The following NRXN3 variants were observed in gnomAD, a reference collection of about 807,000 sequenced individuals.
NRXN3 encodes neurexin 3, also known as neurexin III.
NRXN3 carries 32 observed loss-of-function variants against 137.6 expected under a neutral mutation model. That is an observed-to-expected ratio of 0.23 (90% CI 0.18 to 0.31). NRXN3 has a LOEUF of 0.31. Among genes scored for constraint, NRXN3 ranks in the 10% least tolerant of loss-of-function variants. The pLI is 1.00. For synonymous variants in NRXN3, 798 were observed against 784.5 expected, an observed-to-expected ratio of 1.02 and a Z score of -0.29; for missense variants, 1,574 against 2,062.5, an observed-to-expected ratio of 0.76 and a Z score of 4.59.
chr14:79,488,861 A>C lies in NRXN3; in HGVS notation c.3444+21459A>C, dbSNP rs141694571. ...CTTTGGGGGATCCCAAAATAAGTCA[A>C]CAAGGCATCTTTTCAATGTTGTCTT... On this transcript the variant is annotated intron_variant, in intron 16 of 20. Coordinates refer to ENST00000335750, the MANE Select transcript of NRXN3 (RefSeq NM_001330195.2). Among the ~76,000 whole-genome samples the C allele has an allele frequency of 1.0e-3, 157 of 152,326 alleles. 1 individual carries two copies. In the Middle Eastern group the frequency reaches 0.017, roughly 17 times the overall value.
rs151313031 is a variant in NRXN3 at position 79,135,853 on chromosome 14, A to G, written c.3262+147712A>G. ...TTCAGAGAAGGCATGTCAGTTTTCTAAGATCACACAGCTCATTGTTGACTG... is the reference window on the plus strand; with the variant it reads ...TTCAGAGAAGGCATGTCAGTTTTCTGAGATCACACAGCTCATTGTTGACTG... On this transcript the variant is annotated intron_variant, in intron 15 of 20. Transcript: ENST00000335750. 3.5e-3 allele frequency among the ~76,000 whole-genome samples: 540 copies of G among 152,342 alleles called. 2 individuals are homozygous for G. Among genetic ancestry groups the G allele is most frequent in the African/African-American group, 0.012 (507 of 41,576 alleles).
At chr14:79,530,986 T>A (rs2097164946) in intron 16 of NRXN3, among the ~76,000 whole-genome samples, 1 of 152,210 alleles carries the variant, frequency 6.6e-6, no homozygotes, top group Non-Finnish European at 1.5e-5. Context: ...ATGTTTTTGA[T>A]CTCAGAGCCC....
intron 4 of NRXN3, among the ~76,000 whole-genome samples, chr14:78,389,171 T>C (rs2090419374): frequency 6.6e-6 from 1 of 151,874 alleles, no homozygotes; most frequent in Non-Finnish European, 1.5e-5. Context: ...TTCTCTTGCC[T>C]CAGCCTCCCG....
At chr14:79,743,478 A>C (rs534808209) in intron 19 of NRXN3, among the ~76,000 whole-genome samples, 20 of 152,222 alleles carry the variant, frequency 1.3e-4, no homozygotes, top group Non-Finnish European at 2.4e-4. Context: ...ACCATTCCTT[A>C]CACACAAACT....
At chr14:78,686,150 G>A (rs2098124141) in intron 6 of NRXN3, among the ~76,000 whole-genome samples, 1 of 152,082 alleles carries the variant, frequency 6.6e-6, no homozygotes, top group Non-Finnish European at 1.5e-5. Flanking sequence ...ATCTACTTTG[G>A]AACAGTTCCT....
intron 20 of NRXN3, among the ~76,000 whole-genome samples, chr14:79,850,648 C>T (rs761098286): frequency 5.9e-5 from 9 of 152,132 alleles, no homozygotes; most frequent in South Asian, 2.1e-4. Context: ...TATTTGTTCT[C>T]AATGACAGAC....
intron 16 of NRXN3, among the ~76,000 whole-genome samples, chr14:79,574,680 A>C (rs2097648373): frequency 2.0e-5 from 3 of 152,102 alleles, no homozygotes; most frequent in Non-Finnish European, 4.4e-5. Context: ...GGTTTGGGGA[A>C]CAAACTAGGT....
chr14:79,748,880 T>C (rs2098988100), intron 19 of NRXN3, among the ~76,000 whole-genome samples: 1 of 151,466 alleles, frequency 6.6e-6, no homozygotes, highest in African/African-American at 2.4e-5. Context: ...GAATGAAGGG[T>C]TTGCAAACAT....
chr14:79,853,713 T>C (rs1332407890), intron 20 of NRXN3: 3 of 1,204,640 alleles, frequency 2.5e-6, no homozygotes, highest in Non-Finnish European at 3.2e-6. Context: ...ATTGTTAAAA[T>C]TTATGTGCTG....
chr14:78,294,904 T>C (rs149706091), intron 3 of NRXN3, among the ~76,000 whole-genome samples: 71 of 152,308 alleles, frequency 4.7e-4, no homozygotes, highest in African/African-American at 1.6e-3. Context: ...CTTACTTGTA[T>C]CCCCACTACC....
At chr14:79,254,228 T>C (rs2076295990) in intron 15 of NRXN3, among the ~76,000 whole-genome samples, 1 of 152,168 alleles carries the variant, frequency 6.6e-6, no homozygotes, top group South Asian at 2.1e-4. Flanking sequence ...CATGCTTCTG[T>C]AACACACAGT....
At chr14:78,291,979 C>G (rs189668127) in intron 3 of NRXN3, among the ~76,000 whole-genome samples, 85 of 152,162 alleles carry the variant, frequency 5.6e-4, no homozygotes, top group African/African-American at 2.0e-3. Flanking sequence ...AATTACCCAG[C>G]CAGGGTGAAG....
At chr14:79,093,965 A>G (rs996941956) in intron 15 of NRXN3, among the ~76,000 whole-genome samples, 5 of 151,950 alleles carry the variant, frequency 3.3e-5, no homozygotes, top group African/African-American at 1.2e-4. Context: ...AGAGATTGCT[A>G]TGAACCATCA....
intron 19 of NRXN3, among the ~76,000 whole-genome samples, chr14:79,765,241 C>T (rs180936516): frequency 2.0e-5 from 3 of 152,246 alleles, no homozygotes; most frequent in African/African-American, 4.8e-5. Context: ...GATAGTGTTG[C>T]TGATTTATAC....
At chr14:78,925,272 A>G (rs976481717) in intron 10 of NRXN3, among the ~76,000 whole-genome samples, 4 of 152,212 alleles carry the variant, frequency 2.6e-5, no homozygotes, top group Non-Finnish European at 5.9e-5. Flanking sequence ...GTAAATTTTT[A>G]TAGTGGTTTC....
Position 79,279,995 on chromosome 14 carries a change from A to G in NRXN3, c.3263-187226A>G, listed in dbSNP as rs2080993026. ...GAAGCCGCGCCGGTCTTCCCCTGAC[A>G]TGCGTGGCATGCCGGGGCTCCGTAG... On this transcript the variant is annotated intron_variant, in intron 15 of 20. Transcript: ENST00000335750. 2.5e-6 allele frequency: 3 copies of G among 1,186,710 alleles called. No homozygotes were observed. The Admixed American group carries it at 1.3e-4, about 52-fold the overall frequency. The allele number at this position is 1,186,710 out of a possible 1,614,324, so 73.5% of individuals were successfully genotyped here.
intron 16 of NRXN3, among the ~76,000 whole-genome samples, chr14:79,517,575 T>C (rs1243686262): frequency 6.6e-6 from 1 of 152,178 alleles, no homozygotes; most frequent in Non-Finnish European, 1.5e-5. Context: ...TGGTTTTCTC[T>C]TAGCACTACC....
chr14:79,498,020 C>T (rs2096783916), intron 16 of NRXN3, among the ~76,000 whole-genome samples: 1 of 151,880 alleles, frequency 6.6e-6, no homozygotes, highest in African/African-American at 2.4e-5. Context: ...GGCAACAGAG[C>T]GAGATTCTGT....
intron 15 of NRXN3, among the ~76,000 whole-genome samples, chr14:79,109,042 G>C (rs534024355): frequency 6.6e-6 from 1 of 152,280 alleles, no homozygotes; most frequent in South Asian, 2.1e-4. Context: ...TGTTCAGGTA[G>C]AGCGTACTAT....
Sources: allele counts gnomAD v4.1 joint callset (sites outside exome capture counted in the v4.1 genomes callset), GRCh38; gene constraint gnomAD v4.1.1; transcripts MANE v1.5; gene names NCBI Gene and HGNC (gene_info 2026-07-23, HGNC 2026-07-21).